Variants in TOM1L1 observed in about 807,000 individuals in gnomAD.
TOM1L1 encodes TOM1-like protein 1.
A neutral mutation model predicts 63.4 loss-of-function variants in TOM1L1; 64 were observed. The observed-to-expected ratio is 1.01, with a 90% CI of 0.83 to 1.24. The LOEUF (loss-of-function observed/expected upper bound fraction) is 1.24. TOM1L1 is among the 50% of genes most tolerant of loss of function. TOM1L1 has a pLI of 0.00. For synonymous variants in TOM1L1, 166 were observed against 194.4 expected, an observed-to-expected ratio of 0.85 and a Z score of 1.22; for missense variants, 536 against 567.0, an observed-to-expected ratio of 0.95 and a Z score of 0.55.
intron 11 of TOM1L1, 130 bp downstream of exon 11, chr17:54,939,150 G>A: frequency 1.9e-6 from 1 of 531,706 alleles, no homozygotes; most frequent in Non-Finnish European, 3.2e-6. Flanking sequence ...AAGGCACATG[G>A]ATCACTTGAG....
chr17:54,937,433 G>A, intron 10 of TOM1L1: 1 of 540,944 alleles, frequency 1.8e-6, no homozygotes, highest in East Asian at 3.1e-5. Flanking sequence ...GGAGGTCCTT[G>A]AAACTCATCC....
At chr17:54,958,729 T>TC (rs2077021709) in intron 14 of TOM1L1, among the ~76,000 whole-genome samples, 1 of 18,914 alleles carries the variant, frequency 5.3e-5, no homozygotes, top group Non-Finnish European at 1.0e-4. Context: ...AAACTCCATC[T>TC]CAAAAAAAAA....
chr17:54,901,878 G>T (rs896461177), intron 1 of TOM1L1, among the ~76,000 whole-genome samples: 13 of 152,196 alleles, frequency 8.5e-5, no homozygotes, highest in African/African-American at 2.6e-4. Flanking sequence ...TACCATTGAG[G>T]AGATGCTTTC....
chr17:54,915,999 T>G, intron 7 of TOM1L1, 137 bp downstream of exon 7: 2 of 540,076 alleles, frequency 3.7e-6, no homozygotes, highest in Non-Finnish European at 6.4e-6. Flanking sequence ...ATTTCTAAAC[T>G]TAACAAAAAT....
At chr17:54,921,667 G>A (rs1004883241) in intron 7 of TOM1L1, among the ~76,000 whole-genome samples, 4 of 152,190 alleles carry the variant, frequency 2.6e-5, no homozygotes, top group African/African-American at 7.2e-5. Context: ...GAACCCGGAG[G>A]TTGCAGTGAG....
rs2048536008 is a variant in TOM1L1, at chr17:54,913,728, T to C, written c.373-20T>C. On this transcript the variant is annotated intron_variant, in intron 4 of 15. Transcript: ENST00000575882. ...TGTTGCTGTTTTAACTCTGGAACTT[T>C]TTTCATCTCTTGAATTCAGACTTGG... The C allele has an allele frequency of 6.3e-7, 1 of 1,592,342 alleles. No individual in the cohort carries two copies. The highest frequency in any genetic ancestry group is 1.4e-5 in the African/African-American group (1 of 73,568).
At chr17:54,921,645 C>T (rs895237998) in intron 7 of TOM1L1, among the ~76,000 whole-genome samples, 10 of 151,846 alleles carry the variant, frequency 6.6e-5, no homozygotes, top group South Asian at 2.1e-4. Context: ...GACTGAGGCA[C>T]GAGAATGGCT....
intron 3 of TOM1L1, among the ~76,000 whole-genome samples, chr17:54,911,070 G>C (rs56741540): frequency 0.012 from 1,764 of 152,232 alleles, 26 homozygotes; most frequent in African/African-American, 0.041. Context: ...TCTACTTCCT[G>C]CATGCAGTTC....
intron 5 of TOM1L1, among the ~76,000 whole-genome samples, chr17:54,914,231 G>A (rs889605794): frequency 2.0e-5 from 3 of 152,226 alleles, no homozygotes; most frequent in Admixed American, 6.5e-5. Context: ...CCCAAGGAGG[G>A]TCATTGATGG....
At position 54,937,161 on chromosome 17, in the gene TOM1L1, GTCCC is replaced by G; in HGVS notation, c.969_972del (p.Pro324GlyfsTer13). 6.2e-7 allele frequency: 1 copy of G among 1,613,152 alleles called. No homozygotes were observed. Among genetic ancestry groups the G allele is most frequent in the Non-Finnish European group, 8.5e-7 (1 of 1,179,918 alleles). On this transcript the variant is annotated frameshift_variant, in exon 10 of 16. Coordinates refer to ENST00000575882, the MANE Select transcript of TOM1L1 (RefSeq NM_005486.3). LOFTEE classifies it high-confidence loss of function. ...CAAGATCTCCTCGACCTAAGTCCCA[GTCCC>G]CGGATGCCTAGGGCCACTCTGGGAG...
chr17:54,950,616 TATATAA>T (rs1449366872), intron 14 of TOM1L1, among the ~76,000 whole-genome samples: 1 of 152,210 alleles, frequency 6.6e-6, no homozygotes, highest in Non-Finnish European at 1.5e-5. Flanking sequence ...TTGGTCAAGA[TATATAA>T]ATATTAATGG....
At chr17:54,919,634 G>A (rs774004683) in intron 7 of TOM1L1, among the ~76,000 whole-genome samples, 17 of 152,188 alleles carry the variant, frequency 1.1e-4, no homozygotes, top group Non-Finnish European at 2.1e-4. Flanking sequence ...AAATCAACAT[G>A]AGAATACTAC....
intron 8 of TOM1L1, among the ~76,000 whole-genome samples, chr17:54,933,568 G>A (rs891888263): frequency 2.0e-5 from 3 of 152,188 alleles, no homozygotes; most frequent in Non-Finnish European, 4.4e-5. Flanking sequence ...CTGTCACCAC[G>A]CTGCAGTGCA....
At chr17:54,949,975 A>G (rs2049186631) in intron 13 of TOM1L1, 70 bp from the exon 14 acceptor site, 10 of 1,244,748 alleles carry the variant, frequency 8.0e-6, no homozygotes. Context: ...CTAAATTATA[A>G]AAAGAATATC....
intron 1 of TOM1L1, chr17:54,901,201 C>T (rs2048321798): frequency 1.9e-6 from 1 of 526,828 alleles, no homozygotes; most frequent in Non-Finnish European, 3.4e-6. Flanking sequence ...GGGAGTCAGG[C>T]ATGGAGTGTT....
intron 14 of TOM1L1, among the ~76,000 whole-genome samples, chr17:54,955,383 A>C (rs1348574943): frequency 6.6e-6 from 1 of 152,090 alleles, no homozygotes; most frequent in African/African-American, 2.4e-5. Context: ...TGTTCATGTA[A>C]CCTTTGTATC....
intron 15 of TOM1L1, 145 bp from the exon 16 acceptor site, chr17:54,961,090 C>T: frequency 1.5e-6 from 1 of 667,180 alleles, no homozygotes; most frequent in Non-Finnish European, 2.6e-6. Context: ...CCCCTTATAC[C>T]CTCCCCTATG....
intron 10 of TOM1L1, 92 bp from the exon 11 acceptor site, chr17:54,938,831 CT>C: frequency 1.7e-6 from 1 of 577,538 alleles, no homozygotes; most frequent in Non-Finnish European, 2.8e-6. Flanking sequence ...TTTTCTTTTT[CT>C]TTTTTCTTTT....
chr17:54,939,906 G>A (rs985983810), intron 11 of TOM1L1, among the ~76,000 whole-genome samples: 1 of 152,140 alleles, frequency 6.6e-6, no homozygotes, highest in Admixed American at 6.5e-5. Context: ...TTTCTCTATT[G>A]AAGGAACTAG....
Sources: allele counts gnomAD v4.1 joint callset (sites outside exome capture counted in the v4.1 genomes callset), GRCh38; gene constraint gnomAD v4.1.1; transcripts MANE v1.5; gene names NCBI Gene and HGNC (gene_info 2026-07-23, HGNC 2026-07-21).